GAREM2: variants seen among roughly 807,000 people sequenced by gnomAD.
GAREM2 encodes GRB2-associated and regulator of MAPK protein 2.
GAREM2 carries 30 observed loss-of-function variants against 55.6 expected under a neutral mutation model. The ratio of observed to expected loss-of-function variants is 0.54; its 90% CI spans 0.40 to 0.73. GAREM2 has a LOEUF of 0.73. GAREM2 is among the 30% of genes least tolerant of loss of function. The pLI is 0.00. For synonymous variants in GAREM2, 550 were observed against 569.1 expected (o/e 0.97, Z 0.48); for missense variants, 1,075 against 1,257.7 (o/e 0.85, Z 2.20).
At position 26,185,232 on chromosome 2, in the gene GAREM2, G is replaced by A. The variant is rs986739934; in HGVS notation, c.1384G>A (p.Glu462Lys). ...CGGGGCCGCGGGACCGCCGCGTCGGGAGCCGGAAGCGCCGCCGCCTCCAGT... is the reference window on the plus strand; with the variant it reads ...CGGGGCCGCGGGACCGCCGCGTCGGAAGCCGGAAGCGCCGCCGCCTCCAGT... ...SFGAAGPPRR[E>K]PEAPPPPVPP... The change falls in exon 4 of 6, where the codon GAG becomes AAG. Residue 462 changes from glutamate to lysine, a missense_variant. This residue lies in a region of GAREM2 where 515 missense variants were observed against 501.5 expected (regional missense o/e 1.03). Coordinates refer to ENST00000401533, the MANE Select transcript of GAREM2 (RefSeq NM_001168241.2). 4 of 1,521,454 alleles carry A rather than the reference G, an allele frequency of 2.6e-6. No individual in the cohort carries two copies. In the Admixed American group the frequency reaches 6.0e-5, roughly 23 times the overall value. 94.2% of individuals were successfully genotyped at this position (1,521,454 alleles called of 1,614,324 possible).
chr2:26,176,113 G>A (rs1460339563), intron 1 of GAREM2, among the ~76,000 whole-genome samples: 1 of 152,178 alleles, frequency 6.6e-6, no homozygotes, highest in East Asian at 1.9e-4. Context: ...ACTGATGAAC[G>A]AGGGGCCCCG....
Position 26,185,114 on chromosome 2 carries a change from G to C in GAREM2, c.1266G>C (p.Ala422=). The C allele has an allele frequency of 6.9e-7, 1 of 1,446,876 alleles. No individual in the cohort carries two copies. The highest frequency in any genetic ancestry group is 9.0e-7 in the Non-Finnish European group (1 of 1,108,010). 89.6% of individuals were successfully genotyped at this position (1,446,876 alleles called of 1,614,324 possible). ...PDWAAAPEPA[A]PPAEIPYEEL... ...GGGCAGCCGCGCCCGAGCCCGCCGCGCCGCCCGCCGAGATCCCCTACGAGG... is the reference window on the plus strand; with the variant it reads ...GGGCAGCCGCGCCCGAGCCCGCCGCCCCGCCCGCCGAGATCCCCTACGAGG... Residue 422 remains alanine, a synonymous_variant, in exon 4 of 6, where the codon GCG becomes GCC. Transcript: ENST00000401533.
Position 26,187,802 on chromosome 2 carries a change from G to A in GAREM2, c.2170G>A (p.Ala724Thr). ...PELLRSQEPR[A>T]VGTPGPGPRL... ...GCTGCTGCGTTCTCAGGAGCCCAGA[G>A]CAGTGGGGACACCTGGGCCTGGACC... Residue 724 changes from alanine (A) to threonine (T), a missense_variant, in exon 6 of 6, where the codon GCA becomes ACA. Ala to Thr is a moderately conservative substitution (Grantham distance 58). Coordinates refer to ENST00000401533, the MANE Select transcript of GAREM2 (RefSeq NM_001168241.2). 1 of 1,444,514 alleles carries A rather than the reference G, an allele frequency of 6.9e-7. No individual in the cohort carries two copies. Among genetic ancestry groups the A allele is most frequent in the Non-Finnish European group, 9.1e-7 (1 of 1,094,234 alleles). The allele number at this position is 1,444,514 out of a possible 1,614,324, so 89.5% of individuals were successfully genotyped here.
At position 26,184,971 on chromosome 2, in the gene GAREM2, C is replaced by A; in HGVS notation, c.1123C>A (p.Pro375Thr). The change falls in exon 4 of 6, where the codon CCG becomes ACG. Residue 375 changes from proline (P) to threonine (T), a missense_variant. Physicochemically the swap from Pro to Thr is conservative, Grantham distance 38. Transcript: ENST00000401533. The stretch of plus-strand genomic sequence containing the variant: ...GGAGCTCGCCGAAGACTGCGCCAGC[C>A]CGCGCCGCGCGCGCCTCTGCCTGCC... ...PAELAEDCAS[P>T]RRARLCLPAP... 1 of 1,201,514 alleles carries A rather than the reference C, an allele frequency of 8.3e-7. No individual in the cohort carries two copies. The highest frequency in any genetic ancestry group is 1.0e-6 in the Non-Finnish European group (1 of 969,376). 74.4% of individuals were successfully genotyped at this position (1,201,514 alleles called of 1,614,324 possible).
downstream of GAREM2, among the ~76,000 whole-genome samples, chr2:26,192,044 C>T (rs1412404582): frequency 1.3e-5 from 2 of 152,146 alleles, no homozygotes; most frequent in South Asian, 4.1e-4. Flanking sequence ...CACCTAGATG[C>T]TGGGCAGAGA....
At chr2:26,198,338 C>T in the GAREM2 span, among the ~76,000 whole-genome samples, 272 of 151,568 alleles carry the variant, frequency 1.8e-3, no homozygotes, top group African/African-American at 6.1e-3. Flanking sequence ...AGATTGTCTC[C>T]GCATTCTGGC....
chr2:26,183,089 A>G lies in GAREM2; in HGVS notation c.376A>G (p.Ser126Gly). Residue 126 changes from serine to glycine, a missense_variant, in exon 3 of 6, where the codon AGC (serine) becomes GGC (glycine). Physicochemically the swap from Ser to Gly is moderately conservative, Grantham distance 56. Coordinates refer to ENST00000401533, the MANE Select transcript of GAREM2 (RefSeq NM_001168241.2). ...RIFVMEAITF[S>G]VKVVSGEFSE... ...CTTCGTGATGGAAGCCATCACCTTC[A>G]GCGTCAAGGTCAGTCACTCCCTCAC... 7 of 1,551,696 alleles carry G rather than the reference A, an allele frequency of 4.5e-6. No individual in the cohort carries two copies. Among genetic ancestry groups the G allele is most frequent in the African/African-American group, 1.4e-5 (1 of 73,174 alleles).
intron 2 of GAREM2, among the ~76,000 whole-genome samples, chr2:26,178,104 G>A (rs567743458): frequency 1.3e-5 from 2 of 152,312 alleles, no homozygotes; most frequent in East Asian, 3.9e-4. Context: ...AGCCTGTGAA[G>A]TTGGTACCTG....
At chr2:26,194,755 G>A in the GAREM2 span, 7 of 769,396 alleles carry the variant, frequency 9.1e-6, no homozygotes, top group Non-Finnish European at 1.6e-5. Context: ...AACTTAAGGT[G>A]ACTTAAAATC....
At chr2:26,178,922 G>A (rs1055689243) in intron 2 of GAREM2, among the ~76,000 whole-genome samples, 1 of 33,790 alleles carries the variant, frequency 3.0e-5, no homozygotes, top group Non-Finnish European at 5.6e-5. Context: ...GCCCCTAGGA[G>A]GGCGAAGGCC....
intron 2 of GAREM2, among the ~76,000 whole-genome samples, 181 bp downstream of exon 2, chr2:26,176,665 AC>A (rs1482950155): frequency 6.6e-6 from 1 of 152,198 alleles, no homozygotes; most frequent in Non-Finnish European, 1.5e-5. Flanking sequence ...GAGGTGGCTC[AC>A]AGGTTTTTTG....
At chr2:26,194,111 A>G (rs1669591457), downstream of GAREM2, among the ~76,000 whole-genome samples, 1 of 152,186 alleles carries the variant, frequency 6.6e-6, no homozygotes. Context: ...ACATCATCAA[A>G]GAGGAGCACT....
At chr2:26,183,243 C>A in intron 3 of GAREM2, 146 bp downstream of exon 3, 2 of 813,548 alleles carry the variant, frequency 2.5e-6, no homozygotes, top group Non-Finnish European at 3.9e-6. Context: ...CACAATCAAG[C>A]CATGTCAGAA....
the GAREM2 span, chr2:26,201,005 T>G: frequency 1.4e-6 from 1 of 721,752 alleles, no homozygotes; most frequent in Non-Finnish European, 2.5e-6. Flanking sequence ...CTACTGGGAT[T>G]ATAGGCGTGA....
intron 2 of GAREM2, among the ~76,000 whole-genome samples, chr2:26,180,269 C>A (rs953438907): frequency 6.6e-6 from 1 of 152,190 alleles, no homozygotes; most frequent in Non-Finnish European, 1.5e-5. Context: ...CTGGGTCTCT[C>A]GCTGGGTTTA....
At chr2:26,177,470 T>C (rs1184559744) in intron 2 of GAREM2, among the ~76,000 whole-genome samples, 3 of 152,260 alleles carry the variant, frequency 2.0e-5, no homozygotes, top group Non-Finnish European at 2.9e-5. Flanking sequence ...AAACTGAGGC[T>C]CCAGGAGTTT....
the GAREM2 span, among the ~76,000 whole-genome samples, chr2:26,196,201 A>G: frequency 6.6e-6 from 1 of 152,208 alleles, no homozygotes; most frequent in African/African-American, 2.4e-5. Flanking sequence ...CAGTCAGCAT[A>G]TGACGGGGTG....
chr2:26,188,040 C>A lies in GAREM2; in HGVS notation c.2408C>A (p.Pro803His). ...GVRDASSWQP[P>H]ADLSALSLEE... ...CGAGATGCCTCCTCCTGGCAGCCCC[C>A]TGCTGACCTGTCTGCACTCTCCCTG... Residue 803 changes from proline to histidine, a missense_variant, in exon 6 of 6, where the codon CCT (proline) becomes CAT (histidine). Physicochemically the swap from Pro to His is moderately conservative, Grantham distance 77. This residue lies in a region of GAREM2 where 142 missense variants were observed against 172.3 expected (regional missense o/e 0.82). Coordinates refer to ENST00000401533, the MANE Select transcript of GAREM2 (RefSeq NM_001168241.2). The A allele has an allele frequency of 6.6e-7, 1 of 1,516,410 alleles. No homozygotes were observed. Among genetic ancestry groups the A allele is most frequent in the East Asian group, 2.5e-5 (1 of 40,134 alleles). 93.9% of individuals were successfully genotyped at this position (1,516,410 alleles called of 1,614,324 possible).
chr2:26,186,325 G>C lies in GAREM2; in HGVS notation c.1565G>C (p.Ser522Thr). 1 of 1,551,800 alleles carries C rather than the reference G, an allele frequency of 6.4e-7. No individual in the cohort carries two copies. The highest frequency in any genetic ancestry group is 1.7e-4 in the Middle Eastern group (1 of 5,990). ...KLQPVHSPSS[S>T]LSYYSSGLQD... ...CAGCCGGTACATTCCCCCAGCTCCA[G>C]CCTCTCCTACTACTCCTCTGGCCTC... The change falls in exon 5 of 6, where the codon AGC becomes ACC. Residue 522 changes from serine to threonine, a missense_variant. By Grantham distance (58) the Ser-to-Thr change is moderately conservative (BLOSUM62 1). Transcript: ENST00000401533.
Sources: gnomAD v4.1 joint callset for allele counts (sites outside exome capture counted in the v4.1 genomes callset) on GRCh38, gnomAD v4.1.1 for gene constraint, gnomAD v4.1.1 regional missense constraint, MANE v1.5 for transcripts, NCBI Gene and HGNC (gene_info 2026-07-23, HGNC 2026-07-21) for gene names.